The following SSPN variants were observed in gnomAD, a reference collection of about 807,000 sequenced individuals.
SSPN encodes sarcospan, also known as K-ras oncogene-associated protein.
SSPN carries 15 observed loss-of-function variants against 19.1 expected under a neutral mutation model. The observed-to-expected ratio is 0.78, with a 90% CI of 0.52 to 1.21. The LOEUF is 1.21. SSPN is among the 50% of genes most tolerant of loss of function. The pLI is 0.00. For synonymous variants in SSPN, 147 were observed against 140.3 expected, an observed-to-expected ratio of 1.05 and a Z score of -0.34; for missense variants, 291 against 314.0, an observed-to-expected ratio of 0.93 and a Z score of 0.55.
At chr12:26,167,782 C>T in intron 1 of SSPN, among the ~76,000 whole-genome samples, 1 of 152,206 alleles carries the variant, frequency 6.6e-6, no homozygotes, top group East Asian at 1.9e-4. Flanking sequence ...AGCCTAGATA[C>T]TGAACACCCT....
chr12:26,122,333 G>A, intron 1 of SSPN: 2 of 1,175,998 alleles, frequency 1.7e-6, no homozygotes, highest in Non-Finnish European at 2.1e-6. Context: ...CTGCCGCCGG[G>A]GCGGGGATGC....
chr12:26,224,070 C>T (rs1182426077), intron 1 of SSPN, among the ~76,000 whole-genome samples: 6 of 152,116 alleles, frequency 3.9e-5, no homozygotes, highest in African/African-American at 1.4e-4. Context: ...CCTGGCATAT[C>T]AAAAGAACTT....
At chr12:26,206,325 A>G (rs549961415) in intron 1 of SSPN, among the ~76,000 whole-genome samples, 3 of 152,316 alleles carry the variant, frequency 2.0e-5, no homozygotes, top group African/African-American at 7.2e-5. Context: ...ACTGTTTTTC[A>G]TAAAGTACTC....
chr12:26,131,180 C>T (rs186514970), intron 1 of SSPN, among the ~76,000 whole-genome samples: 1 of 152,252 alleles, frequency 6.6e-6, no homozygotes, highest in East Asian at 1.9e-4. Flanking sequence ...GTATTTAATT[C>T]CAATTTCAGA....
intron 1 of SSPN, among the ~76,000 whole-genome samples, chr12:26,171,030 T>C (rs1287944064): frequency 2.0e-5 from 3 of 152,214 alleles, no homozygotes; most frequent in African/African-American, 7.2e-5. Context: ...TCAAAAATCA[T>C]ATAGTTAGTA....
rs142386273 is a variant in SSPN at position 26,215,479 on chromosome 12, G to T, written c.280-8814G>T. 1.6e-3 allele frequency among the ~76,000 whole-genome samples: 249 copies of T among 152,316 alleles called. 3 individuals carry two copies. Among genetic ancestry groups the T allele is most frequent in the African/African-American group, 5.6e-3 (233 of 41,572 alleles). On this transcript the variant is annotated intron_variant, in intron 1 of 2. Transcript: ENST00000242729. ...AGGTGCAGAAGCATGCTGGAGCATT[G>T]CTGATGGACTTGTGACAGCTGATTG...
At chr12:26,204,439 C>A (rs1193187882) in intron 1 of SSPN, among the ~76,000 whole-genome samples, 1 of 152,206 alleles carries the variant, frequency 6.6e-6, no homozygotes, top group Non-Finnish European at 1.5e-5. Flanking sequence ...GGAACCTCCA[C>A]GCTGTAAATT....
At chr12:26,195,538 C>T, upstream of SSPN, 3 of 1,261,218 alleles carry the variant, frequency 2.4e-6, no homozygotes, top group South Asian at 3.1e-5. Flanking sequence ...CTCGGTGAGT[C>T]GGCTCCAAAT....
At chr12:26,135,315 A>C (rs1216798366) in intron 1 of SSPN, among the ~76,000 whole-genome samples, 1 of 152,172 alleles carries the variant, frequency 6.6e-6, no homozygotes, top group Non-Finnish European at 1.5e-5. Context: ...AGAGTGCAGA[A>C]AGAAACAAGC....
chr12:26,213,670 CT>C (rs1343629520), intron 1 of SSPN, among the ~76,000 whole-genome samples: 1 of 151,960 alleles, frequency 6.6e-6, no homozygotes, highest in South Asian at 2.1e-4. Context: ...CAAACATCTA[CT>C]TTTTTTTAAA....
chr12:26,172,785 C>T (rs566447617), intron 1 of SSPN, among the ~76,000 whole-genome samples: 15 of 148,468 alleles, frequency 1.0e-4, no homozygotes, highest in African/African-American at 3.5e-4. Flanking sequence ...TTTTTTGAAA[C>T]GGAGTCTTGC....
intron 1 of SSPN, among the ~76,000 whole-genome samples, chr12:26,206,410 A>G (rs1379457779): frequency 6.6e-6 from 1 of 152,188 alleles, no homozygotes; most frequent in Non-Finnish European, 1.5e-5. Context: ...TCCCATTCCA[A>G]TGTTACATAA....
At chr12:26,146,571 A>T (rs1252510684) in intron 1 of SSPN, among the ~76,000 whole-genome samples, 1 of 152,144 alleles carries the variant, frequency 6.6e-6, no homozygotes, top group Non-Finnish European at 1.5e-5. Context: ...TGATCCTTCA[A>T]ACCTTGGCCT....
intron 1 of SSPN, among the ~76,000 whole-genome samples, chr12:26,165,261 T>C (rs1944613553): frequency 6.6e-6 from 1 of 152,214 alleles, no homozygotes; most frequent in African/African-American, 2.4e-5. Flanking sequence ...TATACAGAGC[T>C]GGGGAAAGTA....
chr12:26,157,968 T>C (rs558484356), intron 1 of SSPN, among the ~76,000 whole-genome samples: 19 of 152,296 alleles, frequency 1.2e-4, no homozygotes, highest in Admixed American at 9.8e-4. Context: ...TTATGACCTG[T>C]GGTAAAGTAA....
chr12:26,148,685 T>C (rs568554595), intron 1 of SSPN, among the ~76,000 whole-genome samples: 29 of 152,336 alleles, frequency 1.9e-4, no homozygotes, highest in African/African-American at 6.7e-4. Flanking sequence ...CTAAAGACTG[T>C]AACATGGTGC....
chr12:26,124,390 C>T lies in SSPN; in HGVS notation c.-31+2238C>T. On this transcript the variant is annotated intron_variant, in intron 1 of 2. Coordinates refer to the SSPN transcript ENST00000538142. The stretch of plus-strand genomic sequence containing the variant: ...ATCCCCCTGAGAGTACCCAGCAAGC[C>T]ACTTAAAATTCACAGTTGGGGAAGC... 9.5e-6 allele frequency: 10 copies of T among 1,053,204 alleles called. No homozygotes were observed. In the South Asian group the frequency reaches 1.2e-4, roughly 12 times the overall value. The allele number at this position is 1,053,204 out of a possible 1,614,324, so 65.2% of individuals were successfully genotyped here. A position where few individuals can be genotyped will look rare whatever the true frequency, so the allele number is the denominator to read the frequency against.
chr12:26,146,568 T>C (rs927542460), intron 1 of SSPN, among the ~76,000 whole-genome samples: 7 of 152,118 alleles, frequency 4.6e-5, no homozygotes, highest in African/African-American at 1.4e-4. Context: ...GAGTGATCCT[T>C]CAAACCTTGG....
intron 1 of SSPN, among the ~76,000 whole-genome samples, chr12:26,214,374 G>T (rs7955911): frequency 6.6e-6 from 1 of 152,126 alleles, no homozygotes; most frequent in African/African-American, 2.4e-5. Flanking sequence ...GCAGGTGGCT[G>T]TACCATGCAG....
Sources: allele counts gnomAD v4.1 joint callset (sites outside exome capture counted in the v4.1 genomes callset), GRCh38; gene constraint gnomAD v4.1.1; transcripts MANE v1.5; gene names NCBI Gene and HGNC (gene_info 2026-07-23, HGNC 2026-07-21).